The following LARGE1 variants were observed in gnomAD, a reference collection of about 807,000 sequenced individuals.
LARGE1 encodes the protein LARGE xylosyl- and glucuronyltransferase 1.
A neutral mutation model predicts 87.6 loss-of-function variants in LARGE1; 43 were observed. That is an observed-to-expected ratio of 0.49 (90% CI 0.38 to 0.63). LARGE1 has a LOEUF of 0.63. LARGE1 is among the 30% of genes least tolerant of loss of function. The pLI is 0.00. For synonymous variants in LARGE1, 434 were observed against 394.6 expected (o/e 1.10, Z -1.18); for missense variants, 802 against 1,000.2 (o/e 0.80, Z 2.67).
chr22:33,363,603 G>A (rs894179958), intron 9 of LARGE1, among the ~76,000 whole-genome samples: 8 of 149,566 alleles, frequency 5.3e-5, no homozygotes, highest in African/African-American at 7.4e-5. Flanking sequence ...CAGCCAAACC[G>A]TATCACGTAC....
chr22:33,201,335 A>G (rs1924374030), intron 11 of LARGE1, among the ~76,000 whole-genome samples: 1 of 90,900 alleles, frequency 1.1e-5, no homozygotes, highest in East Asian at 3.4e-4. Context: ...AGAAAGAGAG[A>G]GAGAAAGAAA....
intron 6 of LARGE1, among the ~76,000 whole-genome samples, chr22:33,441,225 C>T (rs965056328): frequency 2.6e-5 from 4 of 151,672 alleles, no homozygotes; most frequent in Admixed American, 6.6e-5. Context: ...AGGTGCTTGC[C>T]GCCATGCCCA....
At chr22:33,667,492 T>G (rs993391079) in intron 2 of LARGE1, among the ~76,000 whole-genome samples, 15 of 152,126 alleles carry the variant, frequency 9.9e-5, no homozygotes, top group African/African-American at 3.1e-4. Context: ...ATCAGAGCCT[T>G]CTAAATACCA....
chr22:33,607,236 C>T (rs1392818624), intron 4 of LARGE1, among the ~76,000 whole-genome samples: 7 of 151,952 alleles, frequency 4.6e-5, no homozygotes, highest in Admixed American at 1.3e-4. Flanking sequence ...CCGAGGTGGG[C>T]GGATCACCTG....
chr22:33,081,344 A>G, the LARGE1 span, among the ~76,000 whole-genome samples: 2 of 152,212 alleles, frequency 1.3e-5, no homozygotes, highest in Admixed American at 6.5e-5. Flanking sequence ...GATTCTTTGG[A>G]TTAGGATGTC....
chr22:33,704,035 A>T (rs2082481261), intron 2 of LARGE1, among the ~76,000 whole-genome samples: 1 of 152,236 alleles, frequency 6.6e-6, no homozygotes, highest in Non-Finnish European at 1.5e-5. Flanking sequence ...AGCTTCCACT[A>T]AAGCGTCTTA....
exon 12 of LARGE1, chr22:33,163,265 G>T (rs748554690): frequency 6.6e-6 from 1 of 152,106 alleles, no homozygotes; most frequent in Non-Finnish European, 1.5e-5. Flanking sequence ...GATTCTTTTC[G>T]CTATTTACCA....
At chr22:33,840,820 G>A (rs536437998) in intron 1 of LARGE1, among the ~76,000 whole-genome samples, 7 of 152,088 alleles carry the variant, frequency 4.6e-5, no homozygotes, top group African/African-American at 1.4e-4. Context: ...ACAAGGTTTC[G>A]TCACGTTGCC....
chr22:33,318,018 C>T (rs1020824445), intron 10 of LARGE1, among the ~76,000 whole-genome samples: 1 of 151,766 alleles, frequency 6.6e-6, no homozygotes, highest in Non-Finnish European at 1.5e-5. Flanking sequence ...AGGTGGATCA[C>T]GAGGTCAGGA....
intron 1 of LARGE1, among the ~76,000 whole-genome samples, chr22:33,870,848 G>A (rs905028787): frequency 6.6e-6 from 1 of 152,268 alleles, no homozygotes; most frequent in South Asian, 2.1e-4. Flanking sequence ...GATTACAGGC[G>A]TGAGCCACCG....
intron 9 of LARGE1, among the ~76,000 whole-genome samples, chr22:33,366,952 T>C (rs1208374286): frequency 6.6e-6 from 1 of 152,236 alleles, no homozygotes; most frequent in Admixed American, 6.5e-5. Context: ...TAGAACTTAT[T>C]TCTACTTGCC....
intron 7 of LARGE1, among the ~76,000 whole-genome samples, chr22:33,397,346 C>A (rs2065784965): frequency 6.6e-6 from 1 of 152,166 alleles, no homozygotes; most frequent in Non-Finnish European, 1.5e-5. Context: ...AACTCCCGAC[C>A]TCAGCTGATC....
intron 2 of LARGE1, chr22:33,727,373 T>C (rs535816042): frequency 6.6e-6 from 1 of 152,300 alleles, no homozygotes; most frequent in African/African-American, 2.4e-5. Flanking sequence ...AGGTAGTAGG[T>C]ATTACTCTTG....
At chr22:33,225,628 G>T (rs1925695393) in intron 11 of LARGE1, among the ~76,000 whole-genome samples, 1 of 151,970 alleles carries the variant, frequency 6.6e-6, no homozygotes, top group South Asian at 2.1e-4. Context: ...AGGTAAACTT[G>T]TGTCATGGGG....
intron 9 of LARGE1, among the ~76,000 whole-genome samples, chr22:33,359,584 G>C (rs546901732): frequency 8.2e-6 from 1 of 122,140 alleles, no homozygotes; most frequent in Admixed American, 8.7e-5. Flanking sequence ...TTTTTTTTGA[G>C]ATGGAGTCTC....
intron 3 of LARGE1, among the ~76,000 whole-genome samples, chr22:33,641,786 T>C (rs570647209): frequency 6.6e-6 from 1 of 151,722 alleles, no homozygotes. Context: ...ATATCAGAGA[T>C]TGAAGATCAA....
At chr22:33,549,626 T>C (rs941088606) in intron 6 of LARGE1, among the ~76,000 whole-genome samples, 19 of 152,178 alleles carry the variant, frequency 1.2e-4, no homozygotes, top group Non-Finnish European at 7.3e-5. Flanking sequence ...AAATTCACAG[T>C]TCATGCATCT....
chr22:33,573,196 T>C (rs554312566), intron 5 of LARGE1, among the ~76,000 whole-genome samples: 1 of 152,340 alleles, frequency 6.6e-6, no homozygotes, highest in African/African-American at 2.4e-5. Context: ...CCCAGCACTT[T>C]GGTAGGCCGA....
At chr22:33,105,718 T>C in the LARGE1 span, 1 of 152,212 alleles carries the variant, frequency 6.6e-6, no homozygotes, top group Non-Finnish European at 1.5e-5. Flanking sequence ...GCGCCTGAGT[T>C]GTTTATTGCC....
Sources: allele counts gnomAD v4.1 joint callset (sites outside exome capture counted in the v4.1 genomes callset), GRCh38; gene constraint gnomAD v4.1.1; transcripts MANE v1.5; gene names NCBI Gene and HGNC (gene_info 2026-07-23, HGNC 2026-07-21).